FMNL2: variants seen among roughly 807,000 people sequenced by gnomAD.
FMNL2 encodes formin like 2.
Under a neutral mutation model 130.2 loss-of-function variants are expected in FMNL2, and 51 were observed. That is an observed-to-expected ratio of 0.39 (90% CI 0.31 to 0.49). The LOEUF (loss-of-function observed/expected upper bound fraction) is 0.49. Among genes scored for constraint, FMNL2 ranks in the 20% least tolerant of loss-of-function variants. The pLI, the probability that FMNL2 is intolerant of heterozygous loss-of-function variation, is 0.85. For synonymous variants in FMNL2, 465 were observed against 467.1 expected (o/e 1.00, Z 0.06); for missense variants, 977 against 1,316.2 (o/e 0.74, Z 3.99).
chr2:152,627,028 A>C lies in FMNL2; in HGVS notation c.2165+301A>C, dbSNP rs1311282453. Reference sequence around the variant, plus strand: ...GTGACATCATTTATTATCTGGGTCTACTCTCTTATGCGGGCCTCCAGCAAT... The same window carrying C: ...GTGACATCATTTATTATCTGGGTCTCCTCTCTTATGCGGGCCTCCAGCAAT... On this transcript the variant is annotated intron_variant, in intron 17 of 25. Coordinates refer to ENST00000288670, the MANE Select transcript of FMNL2 (RefSeq NM_052905.4). Among the ~76,000 whole-genome samples, 3 of 152,284 alleles carry C rather than the reference A, an allele frequency of 2.0e-5. No homozygotes were observed. The East Asian group carries it at 5.8e-4, about 29-fold the overall frequency.
chr2:152,646,448 C>T (rs1022522220), intron 25 of FMNL2, among the ~76,000 whole-genome samples: 6 of 152,132 alleles, frequency 3.9e-5, no homozygotes, highest in Admixed American at 3.3e-4. Flanking sequence ...GAGCACAGAT[C>T]TTAGCTCCAA....
intron 1 of FMNL2, among the ~76,000 whole-genome samples, chr2:152,435,472 C>T (rs181022444): frequency 2.6e-5 from 4 of 152,104 alleles, no homozygotes; most frequent in South Asian, 2.1e-4. Flanking sequence ...TTTGTCTTCA[C>T]GTATGGTAAA....
chr2:152,476,300 C>A (rs1371881825), intron 1 of FMNL2, among the ~76,000 whole-genome samples: 1 of 152,186 alleles, frequency 6.6e-6, no homozygotes, highest in African/African-American at 2.4e-5. Context: ...GCTATGTTTA[C>A]TATTTGATTA....
At chr2:152,542,209 T>G (rs12467702) in intron 2 of FMNL2, among the ~76,000 whole-genome samples, 25,458 of 152,176 alleles carry the variant, frequency 0.17, 2,613 homozygotes, top group Non-Finnish European at 0.24. Flanking sequence ...AACATAACAC[T>G]CCCACATTCC....
rs999919077 is a variant in FMNL2, at chr2:152,637,473, C to T, written c.2845-100C>T. 7 of 885,570 alleles carry T rather than the reference C, an allele frequency of 7.9e-6. No individual in the cohort carries two copies. The African/African-American group carries it at 1.2e-4, about 15-fold the overall frequency. The allele number at this position is 885,570 out of a possible 1,614,324, so 54.9% of individuals were successfully genotyped here. A position where few individuals can be genotyped will look rare whatever the true frequency, so the allele number is the denominator to read the frequency against. ...GTGCAGCAACGCAAGGCCATGGGAG[C>T]CTCTGTCTTGTGGCTGCTGCTTTGC... On this transcript the variant is annotated intron_variant, in intron 22 of 25. Coordinates refer to ENST00000288670, the MANE Select transcript of FMNL2 (RefSeq NM_052905.4).
intron 6 of FMNL2, among the ~76,000 whole-genome samples, chr2:152,564,781 T>TTTTTTTTG (rs943203401): frequency 7.4e-6 from 1 of 134,456 alleles, no homozygotes; most frequent in Non-Finnish European, 1.6e-5. Context: ...GGTTGGTTTT[T>TTTTTTTTG]TTTTTTTTTT....
intron 12 of FMNL2, among the ~76,000 whole-genome samples, chr2:152,615,422 A>G (rs889585305): frequency 6.6e-6 from 1 of 152,212 alleles, no homozygotes; most frequent in Non-Finnish European, 1.5e-5. Flanking sequence ...TCTGTGATGC[A>G]TGTCTGAACA....
intron 2 of FMNL2, among the ~76,000 whole-genome samples, chr2:152,530,726 C>T (rs993381113): frequency 1.3e-4 from 20 of 152,216 alleles, no homozygotes; most frequent in South Asian, 2.1e-4. Flanking sequence ...CTACAGTGTT[C>T]TTGATGAACT....
At chr2:152,561,856 G>A (rs1258749463) in intron 6 of FMNL2, among the ~76,000 whole-genome samples, 2 of 152,108 alleles carry the variant, frequency 1.3e-5, no homozygotes, top group Admixed American at 6.5e-5. Context: ...GGGATTACAG[G>A]CATCAGCCAC....
At chr2:152,503,177 TG>T (rs1691946992) in intron 1 of FMNL2, among the ~76,000 whole-genome samples, 5 of 152,200 alleles carry the variant, frequency 3.3e-5, no homozygotes, top group Admixed American at 2.6e-4. Context: ...GTGGGATTTT[TG>T]CAGTGAGGGA....
intron 13 of FMNL2, among the ~76,000 whole-genome samples, chr2:152,618,339 A>G (rs1699061226): frequency 6.6e-6 from 1 of 152,230 alleles, no homozygotes; most frequent in Admixed American, 6.5e-5. Flanking sequence ...GGGCCAGAGA[A>G]AGCCATTCAG....
intron 9 of FMNL2, among the ~76,000 whole-genome samples, chr2:152,605,930 C>T (rs1262078712): frequency 6.6e-6 from 1 of 152,134 alleles, no homozygotes; most frequent in Non-Finnish European, 1.5e-5. Flanking sequence ...AGTCATTCAT[C>T]GTTTTGTGAA....
At chr2:152,434,290 T>G (rs368638247) in intron 1 of FMNL2, among the ~76,000 whole-genome samples, 1 of 152,170 alleles carries the variant, frequency 6.6e-6, no homozygotes, top group African/African-American at 2.4e-5. Flanking sequence ...GTCAGGCCCA[T>G]GTAAAATTTA....
chr2:152,564,788 T>G (rs1695735452), intron 6 of FMNL2, among the ~76,000 whole-genome samples: 1 of 148,662 alleles, frequency 6.7e-6, no homozygotes, highest in East Asian at 1.9e-4. Flanking sequence ...TTTTTTTTTT[T>G]TTTTTTTTTT....
chr2:152,505,186 T>C (rs55882252), intron 1 of FMNL2, among the ~76,000 whole-genome samples: 58,544 of 151,936 alleles, frequency 0.39, 13,834 homozygotes, highest in Non-Finnish European at 0.54. Flanking sequence ...AGAGATTTTG[T>C]GAGAAAGAAA....
chr2:152,619,428 T>A, intron 14 of FMNL2, 81 bp from the exon 15 acceptor site: 1 of 1,535,662 alleles, frequency 6.5e-7, no homozygotes, highest in Non-Finnish European at 8.8e-7. Context: ...TGTTTTCAGA[T>A]GGCTTTATAT....
chr2:152,552,629 G>T (rs915504949), intron 4 of FMNL2, among the ~76,000 whole-genome samples: 32 of 152,250 alleles, frequency 2.1e-4, no homozygotes, highest in South Asian at 4.1e-4. Flanking sequence ...ATTGAAATAA[G>T]AATTGGACTA....
chr2:152,520,371 A>G (rs1025776837), intron 1 of FMNL2, among the ~76,000 whole-genome samples: 7 of 152,042 alleles, frequency 4.6e-5, no homozygotes, highest in Non-Finnish European at 7.4e-5. Context: ...AGGCGGGCGG[A>G]TCATCCAGGG....
chr2:152,415,152 G>A (rs1419090632), intron 1 of FMNL2, among the ~76,000 whole-genome samples: 1 of 149,314 alleles, frequency 6.7e-6, no homozygotes, highest in African/African-American at 2.5e-5. Flanking sequence ...GCAACTTTAT[G>A]TCAGTTCTGA....
Sources: allele counts gnomAD v4.1 joint callset (sites outside exome capture counted in the v4.1 genomes callset), GRCh38; gene constraint gnomAD v4.1.1; transcripts MANE v1.5; gene names NCBI Gene and HGNC (gene_info 2026-07-23, HGNC 2026-07-21).